SVOP: variants seen among roughly 807,000 people sequenced by gnomAD.
SVOP encodes synaptic vesicle 2-related protein.
A neutral mutation model predicts 69.1 loss-of-function variants in SVOP; 17 were observed. The observed-to-expected ratio is 0.25, with a 90% CI of 0.17 to 0.37. SVOP has a LOEUF of 0.37. Ranked by LOEUF, SVOP falls within the 10% of genes least tolerant of loss-of-function variation. SVOP has a pLI of 1.00. For synonymous variants in SVOP, 238 were observed against 238.6 expected (o/e 1.00, Z 0.02); for missense variants, 435 against 597.5 (o/e 0.73, Z 2.84).
intron 10 of SVOP, among the ~76,000 whole-genome samples, chr12:108,935,974 T>C (rs1277650168): frequency 6.6e-6 from 1 of 151,336 alleles, no homozygotes; most frequent in East Asian, 1.9e-4. Flanking sequence ...ACCCCTGTGG[T>C]ACCCAAGGGG....
chr12:109,017,559 A>AT (rs2040374315), intron 1 of SVOP, among the ~76,000 whole-genome samples: 3 of 151,592 alleles, frequency 2.0e-5, no homozygotes, highest in Admixed American at 2.0e-4. Flanking sequence ...ATACACACAC[A>AT]TTTTTTTTGA....
chr12:109,008,274 A>G (rs1593208745), intron 1 of SVOP, among the ~76,000 whole-genome samples: 1 of 152,194 alleles, frequency 6.6e-6, no homozygotes, highest in Non-Finnish European at 1.5e-5. Context: ...ATGCTTTTGC[A>G]TCTCTACAGA....
chr12:108,987,707 G>A (rs2040173463), intron 1 of SVOP, among the ~76,000 whole-genome samples: 1 of 152,094 alleles, frequency 6.6e-6, no homozygotes, highest in South Asian at 2.1e-4. Flanking sequence ...AACTTATTAT[G>A]TGCTTATTGG....
At chr12:108,981,225 AT>A (rs2137436452) in intron 2 of SVOP, among the ~76,000 whole-genome samples, 1 of 152,260 alleles carries the variant, frequency 6.6e-6, no homozygotes, top group East Asian at 1.9e-4. Context: ...ATTTCATTTA[AT>A]CCCCATCACA....
intron 1 of SVOP, among the ~76,000 whole-genome samples, chr12:109,011,800 A>G (rs1375876284): frequency 6.6e-6 from 1 of 152,254 alleles, no homozygotes; most frequent in Non-Finnish European, 1.5e-5. Context: ...CTCATTTGCA[A>G]CAACATGAAC....
At position 108,980,578 on chromosome 12, in the gene SVOP, G is replaced by A. The variant is rs1039185278; in HGVS notation, c.197-1915C>T. Among the ~76,000 whole-genome samples the A allele has an allele frequency of 1.2e-3, 176 of 147,306 alleles. 2 individuals carry two copies. Among genetic ancestry groups the A allele is most frequent in the African/African-American group, 3.3e-3 (131 of 39,708 alleles). The stretch of plus-strand genomic sequence containing the variant: ...ATCCTGGCCAACATGGTGAAACCCC[G>A]TCTCTACTGAAAATACAAAAAATTA... On this transcript the variant is annotated intron_variant, in intron 2 of 15. Transcript: ENST00000610966.
At chr12:108,933,784 T>C (rs2039838408) in intron 11 of SVOP, among the ~76,000 whole-genome samples, 1 of 152,210 alleles carries the variant, frequency 6.6e-6, no homozygotes, top group African/African-American at 2.4e-5. Flanking sequence ...CTGAGCTGGC[T>C]GACAAGAAAA....
chr12:108,955,320 A>C (rs559701520), intron 6 of SVOP, among the ~76,000 whole-genome samples: 2 of 152,200 alleles, frequency 1.3e-5, no homozygotes, highest in Non-Finnish European at 2.9e-5. Flanking sequence ...CAATGAACTC[A>C]TCATATTCAT....
chr12:108,966,846 C>T (rs1178954246), intron 5 of SVOP, among the ~76,000 whole-genome samples: 5 of 152,126 alleles, frequency 3.3e-5, no homozygotes, highest in Admixed American at 1.3e-4. Flanking sequence ...CTCCCAGCGG[C>T]CAAGGTCAGG....
At chr12:109,000,059 C>T (rs11531123) in intron 1 of SVOP, among the ~76,000 whole-genome samples, 2 of 151,860 alleles carry the variant, frequency 1.3e-5, no homozygotes, top group East Asian at 3.9e-4. Context: ...AATTGATAGA[C>T]CGCTAGCAAG....
chr12:108,996,519 C>T (rs1389284085), intron 1 of SVOP, among the ~76,000 whole-genome samples: 2 of 152,090 alleles, frequency 1.3e-5, no homozygotes, highest in Non-Finnish European at 2.9e-5. Flanking sequence ...GGCGCTACTG[C>T]ACTCCAGCCT....
chr12:108,929,350 C>T (rs2039801825), intron 11 of SVOP, among the ~76,000 whole-genome samples: 1 of 152,044 alleles, frequency 6.6e-6, no homozygotes, highest in Non-Finnish European at 1.5e-5. Flanking sequence ...GAGACAGGGC[C>T]TCGCTCTGTT....
At chr12:109,003,547 GT>G (rs2040286572) in intron 1 of SVOP, among the ~76,000 whole-genome samples, 1 of 152,190 alleles carries the variant, frequency 6.6e-6, no homozygotes, top group African/African-American at 2.4e-5. Flanking sequence ...TCTACCTTGA[GT>G]TTGGAGTACA....
At chr12:108,947,416 T>C (rs900476903) in intron 6 of SVOP, among the ~76,000 whole-genome samples, 1 of 152,160 alleles carries the variant, frequency 6.6e-6, no homozygotes, top group African/African-American at 2.4e-5. Context: ...TCTATCTGTG[T>C]ATATTTATTT....
At position 109,015,332 on chromosome 12, in the gene SVOP, C is replaced by G. The variant is rs542755215; in HGVS notation, c.35+5502G>C. On this transcript the variant is annotated intron_variant, in intron 1 of 15. Coordinates refer to ENST00000610966, the MANE Select transcript of SVOP (RefSeq NM_018711.5). ...ACATGATCTGACTTTTAAAGAATCCCTCTGGCCACTGGGTTGAGAATGGGC... is the reference window on the plus strand; with the variant it reads ...ACATGATCTGACTTTTAAAGAATCCGTCTGGCCACTGGGTTGAGAATGGGC... Among the ~76,000 whole-genome samples, 162 of 152,228 alleles carry G rather than the reference C, an allele frequency of 1.1e-3. 4 individuals carry two copies. In the South Asian group the frequency reaches 0.02, roughly 19 times the overall value.
At position 108,978,655 on chromosome 12, in the gene SVOP, T is replaced by C; in HGVS notation, c.205A>G (p.Met69Val). 1.4e-6 allele frequency: 1 copy of C among 703,808 alleles called. No homozygotes were observed. The allele number at this position is 703,808 out of a possible 1,614,324, so 43.6% of individuals were successfully genotyped here. A position where few individuals can be genotyped will look rare whatever the true frequency, so the allele number is the denominator to read the frequency against. The change falls in exon 3 of 16, where the codon ATG (methionine) becomes GTG (valine). Residue 69 changes from methionine to valine, a missense_variant. Transcript: ENST00000610966. ...EFANPTDDTF[M>V]VEDAVEAIGF... ...ATGGCTTCCACTGCATCTTCCACCA[T>C]GAAAGTATCTGGGAAGGAGAAAGGG...
chr12:109,001,092 C>T (rs2135621117), intron 1 of SVOP, among the ~76,000 whole-genome samples: 1 of 150,634 alleles, frequency 6.6e-6, no homozygotes, highest in African/African-American at 2.4e-5. Flanking sequence ...TCTCCTTAAG[C>T]TGATAAGCAA....
intron 4 of SVOP, among the ~76,000 whole-genome samples, chr12:108,976,624 T>C (rs1403819389): frequency 6.6e-6 from 1 of 151,968 alleles, no homozygotes; most frequent in African/African-American, 2.4e-5. Flanking sequence ...CTTTTTTTTT[T>C]TTTTAATTTG....
chr12:108,938,873 T>C lies in SVOP; in HGVS notation c.851A>G (p.Glu284Gly). ...CCCCAGCGGCATGGGAGCTCCGTTT[T>C]CAGTTGCTATCCTCTTTAAGGTGGC... Reference protein sequence around the residue: ...AIATLKRIATENGAPMPLGKL... With the variant: ...AIATLKRIATGNGAPMPLGKL... The change falls in exon 9 of 16, where the codon GAA becomes GGA. Residue 284 changes from glutamate to glycine, a missense_variant. By Grantham distance (98) the Glu-to-Gly change is moderately conservative. Coordinates refer to ENST00000610966, the MANE Select transcript of SVOP (RefSeq NM_018711.5). 6.2e-7 allele frequency: 1 copy of C among 1,614,040 alleles called. No individual in the cohort carries two copies. The highest frequency in any genetic ancestry group is 1.3e-5 in the African/African-American group (1 of 75,060).
Sources: allele counts gnomAD v4.1 joint callset (sites outside exome capture counted in the v4.1 genomes callset), GRCh38; gene constraint gnomAD v4.1.1; transcripts MANE v1.5; gene names NCBI Gene and HGNC (gene_info 2026-07-23, HGNC 2026-07-21).